BCL2: variants seen among roughly 807,000 people sequenced by gnomAD.
The protein encoded by BCL2 is apoptosis regulator Bcl-2.
A neutral mutation model predicts 14.2 loss-of-function variants in BCL2; 1 was observed. That is an observed-to-expected ratio of 0.07 (90% confidence interval 0.02 to 0.33). BCL2 has a LOEUF of 0.33. BCL2 is among the 10% of genes least tolerant of loss of function. BCL2 has a pLI of 0.99. For missense variants in BCL2, 247 were observed against 305.9 expected (o/e 0.81, Z 1.44); for synonymous variants, 151 against 137.2 (o/e 1.10, Z -0.70).
rs1599286575 is a variant in BCL2 at position 63,278,395 on chromosome 18, C to T, written c.585+39687G>A. 5.9e-5 allele frequency among the ~76,000 whole-genome samples: 9 copies of T among 152,336 alleles called. No individual in the cohort carries two copies. The South Asian group carries it at 1.2e-3, about 21-fold the overall frequency. ...AGCCTTCTCTTCCACTAGACCCTGACCTTGGGCTTCCTTTTCTGTCTTATA... is the reference window on the plus strand; with the variant it reads ...AGCCTTCTCTTCCACTAGACCCTGATCTTGGGCTTCCTTTTCTGTCTTATA... On this transcript the variant is annotated intron_variant, in intron 2 of 2. Coordinates refer to ENST00000333681, the MANE Select transcript of BCL2 (RefSeq NM_000633.3).
At position 63,169,307 on chromosome 18, in the gene BCL2, T is replaced by TCTTCTTTCTTC. The variant is rs1915142580; in HGVS notation, c.586-40549_586-40548insGAAGAAAGAAG. Among the ~76,000 whole-genome samples, 2 of 73,996 alleles carry TCTTCTTTCTTC rather than the reference T, an allele frequency of 2.7e-5. 1 individual carries two copies. Among genetic ancestry groups the TCTTCTTTCTTC allele is most frequent in the African/African-American group, 1.3e-4 (2 of 15,696 alleles). 48.5% of individuals were successfully genotyped at this position (73,996 alleles called of 152,430 possible). A position where few individuals can be genotyped will look rare whatever the true frequency, so the allele number is the denominator to read the frequency against. On this transcript the variant is annotated intron_variant, in intron 2 of 2. Transcript: ENST00000333681. ...TTCTTTCTTTCTTTCTTTCTTTCTT[T>TCTTCTTTCTTC]CTTCCTTCCTTCCTTCTTTCCTTTC... is the stretch of plus-strand genomic sequence containing the variant.
intron 2 of BCL2, among the ~76,000 whole-genome samples, chr18:63,210,293 G>A (rs753396568): frequency 1.8e-4 from 27 of 152,298 alleles, no homozygotes; most frequent in Non-Finnish European, 3.2e-4. Context: ...TGGAGGCCTT[G>A]GGGGTGGAAG....
intron 2 of BCL2, among the ~76,000 whole-genome samples, chr18:63,297,169 C>A (rs565502614): frequency 6.6e-6 from 1 of 151,590 alleles, no homozygotes; most frequent in Non-Finnish European, 1.5e-5. Flanking sequence ...GCCAAGATCA[C>A]GCCACTGCAC....
At chr18:63,294,688 A>AC in intron 2 of BCL2, among the ~76,000 whole-genome samples, 1 of 152,066 alleles carries the variant, frequency 6.6e-6, no homozygotes, top group South Asian at 2.1e-4. Context: ...AGAAAAAAAA[A>AC]AGTAGTTAAA....
At chr18:63,152,745 AAT>A (rs1198684686) in intron 2 of BCL2, among the ~76,000 whole-genome samples, 3 of 152,210 alleles carry the variant, frequency 2.0e-5, no homozygotes, top group Non-Finnish European at 4.4e-5. Flanking sequence ...TGGAAGACAT[AAT>A]GACTTGGGCT....
intron 2 of BCL2, among the ~76,000 whole-genome samples, chr18:63,193,805 C>A (rs1277361671): frequency 2.0e-5 from 3 of 152,018 alleles, no homozygotes; most frequent in African/African-American, 7.2e-5. Context: ...AAAATGATAT[C>A]ATCACATCTA....
intron 2 of BCL2, among the ~76,000 whole-genome samples, chr18:63,196,663 A>G (rs1909454703): frequency 6.6e-6 from 1 of 152,222 alleles, no homozygotes; most frequent in African/African-American, 2.4e-5. Context: ...TCAGGCATCA[A>G]GAAAGAACCG....
At chr18:63,281,724 G>C (rs1158446633) in intron 2 of BCL2, among the ~76,000 whole-genome samples, 2 of 127,964 alleles carry the variant, frequency 1.6e-5, no homozygotes, top group Admixed American at 7.9e-5. Flanking sequence ...AAGAAAGAAA[G>C]AAAGAAAGAA....
rs150838859 is a variant in BCL2 at position 63,129,884 on chromosome 18, G to A, written c.586-1125C>T. On this transcript the variant is annotated intron_variant, in intron 2 of 2. Transcript: ENST00000333681. Reference sequence around the variant, plus strand: ...GGAGCTGTCAGGGGGTTTCTCTTGGGGGTGGCTAGACTGGACGACCACAAC... The same window carrying A: ...GGAGCTGTCAGGGGGTTTCTCTTGGAGGTGGCTAGACTGGACGACCACAAC... 2.0e-5 allele frequency among the ~76,000 whole-genome samples: 3 copies of A among 152,154 alleles called. No individual in the cohort carries two copies. In the East Asian group the frequency reaches 5.8e-4, roughly 29 times the overall value.
chr18:63,292,115 GGTTTGCAT>G (rs893365338), intron 2 of BCL2, among the ~76,000 whole-genome samples: 25 of 151,858 alleles, frequency 1.6e-4, no homozygotes, highest in African/African-American at 6.0e-4. Context: ...TTAGTGGATA[GGTTTGCAT>G]GTTTCTAACG....
At chr18:63,314,852 T>C (rs995393215) in intron 2 of BCL2, 1 of 152,222 alleles carries the variant, frequency 6.6e-6, no homozygotes, top group Non-Finnish European at 1.5e-5. Context: ...ATATAAACTA[T>C]ATAACTACTA....
intron 2 of BCL2, among the ~76,000 whole-genome samples, chr18:63,313,449 T>C (rs1913398913): frequency 1.3e-5 from 2 of 152,210 alleles, no homozygotes; most frequent in African/African-American, 4.8e-5. Context: ...GATGACCAGA[T>C]TGACAAGTTA....
intron 2 of BCL2, among the ~76,000 whole-genome samples, chr18:63,256,908 CAT>C (rs201726071): frequency 0.019 from 2,914 of 152,212 alleles, 67 homozygotes; most frequent in South Asian, 0.092. Flanking sequence ...CTAGGACAAC[CAT>C]TCCATTCAGA....
At chr18:63,161,119 GA>G (rs1316073044) in intron 2 of BCL2, among the ~76,000 whole-genome samples, 1 of 152,128 alleles carries the variant, frequency 6.6e-6, no homozygotes, top group Non-Finnish European at 1.5e-5. Flanking sequence ...CAATGTGGTT[GA>G]AAAGTTGACA....
chr18:63,187,668 A>G (rs999306104), intron 2 of BCL2, among the ~76,000 whole-genome samples: 9 of 152,224 alleles, frequency 5.9e-5, no homozygotes, highest in Non-Finnish European at 1.3e-4. Flanking sequence ...TCAGAAAAGC[A>G]AGAAATGGAG....
intron 2 of BCL2, among the ~76,000 whole-genome samples, chr18:63,155,364 T>A (rs1914750735): frequency 6.6e-6 from 1 of 152,040 alleles, no homozygotes. Flanking sequence ...GTACAGCAAG[T>A]CAACAGTATC....
rs1003763191 is a variant in BCL2 at position 63,318,793 on chromosome 18, C to G, written c.-127G>C. On this transcript the variant is annotated 5_prime_UTR_variant, in exon 2 of 3. Coordinates refer to ENST00000333681, the MANE Select transcript of BCL2 (RefSeq NM_000633.3). This position sits in a 1 kb window ranked among gnomAD's most constrained non-coding sequence, Gnocchi z 7.4. ...ATTGGATGTGCTTTGCATTCTTGGA[C>G]GAGGGGGTGTCTTCAATCACGCGGA... 4 of 1,480,204 alleles carry G rather than the reference C, an allele frequency of 2.7e-6. No homozygotes were observed. In the South Asian group the frequency reaches 5.5e-5, roughly 20 times the overall value. The allele number at this position is 1,480,204 out of a possible 1,614,324, so 91.7% of individuals were successfully genotyped here. A position where few individuals can be genotyped will look rare whatever the true frequency, so the allele number is the denominator to read the frequency against.
rs541722319 is a variant in BCL2 at position 63,278,928 on chromosome 18, G to A, written c.585+39154C>T. Among the ~76,000 whole-genome samples the A allele has an allele frequency of 5.3e-5, 8 of 152,034 alleles. No homozygotes were observed. In the South Asian group the frequency reaches 8.3e-4, roughly 16 times the overall value. On this transcript the variant is annotated intron_variant, in intron 2 of 2. Coordinates refer to ENST00000333681, the MANE Select transcript of BCL2 (RefSeq NM_000633.3). The stretch of plus-strand genomic sequence containing the variant: ...GTTTTGAAAAACCTAACACTACAGC[G>A]CATTAGAAAAAAAGATGTCTTCCCC...
chr18:63,235,653 G>A (rs1252061945), intron 2 of BCL2, among the ~76,000 whole-genome samples: 1 of 151,640 alleles, frequency 6.6e-6, no homozygotes, highest in African/African-American at 2.4e-5. Context: ...GACGTTCAGG[G>A]AAGGAAAAAG....
Sources: gnomAD v4.1 joint callset for allele counts (sites outside exome capture counted in the v4.1 genomes callset) on GRCh38, gnomAD v4.1.1 for gene constraint, Gnocchi (gnomAD v3.1) non-coding constraint, MANE v1.5 for transcripts, NCBI Gene and HGNC (gene_info 2026-07-23, HGNC 2026-07-21) for gene names.